Variants in UNC13C observed in about 807,000 individuals in gnomAD.
The protein encoded by UNC13C is protein unc-13 homolog C.
A neutral mutation model predicts 245.4 loss-of-function variants in UNC13C; 174 were observed. That is an observed-to-expected ratio of 0.71 (90% CI 0.63 to 0.80). The LOEUF (loss-of-function observed/expected upper bound fraction) is 0.80. UNC13C is among the 30% of genes least tolerant of loss of function. The pLI is 0.00. For missense variants in UNC13C, 2,829 were observed against 2,602.9 expected, an observed-to-expected ratio of 1.09 and a Z score of -1.89; for synonymous variants, 992 against 895.1, an observed-to-expected ratio of 1.11 and a Z score of -1.93.
the UNC13C span, among the ~76,000 whole-genome samples, chr15:53,864,025 G>A: frequency 2.0e-5 from 3 of 152,130 alleles, no homozygotes; most frequent in Non-Finnish European, 4.4e-5. Flanking sequence ...AGCTACCACA[G>A]TGGTAATGTC....
intron 2 of UNC13C, among the ~76,000 whole-genome samples, chr15:54,117,210 T>C (rs2030316159): frequency 6.6e-6 from 1 of 152,174 alleles, no homozygotes; most frequent in East Asian, 1.9e-4. Context: ...AAATATTTTC[T>C]TCCATTCCGT....
At chr15:54,441,820 A>G (rs1890542747) in intron 19 of UNC13C, among the ~76,000 whole-genome samples, 1 of 151,952 alleles carries the variant, frequency 6.6e-6, no homozygotes, top group Non-Finnish European at 1.5e-5. Context: ...CTAATCCATG[A>G]GCATAAGATA....
At chr15:54,374,585 A>T (rs2140888411) in intron 17 of UNC13C, among the ~76,000 whole-genome samples, 1 of 152,340 alleles carries the variant, frequency 6.6e-6, no homozygotes, top group Non-Finnish European at 1.5e-5. Flanking sequence ...AGGAGCAGGC[A>T]TTTCTGAGCC....
At chr15:54,335,471 G>A (rs991929704) in intron 16 of UNC13C, among the ~76,000 whole-genome samples, 2 of 152,048 alleles carry the variant, frequency 1.3e-5, no homozygotes, top group African/African-American at 2.4e-5. Context: ...TTTGACAAAT[G>A]TGTAGTCATA....
chr15:54,095,091 C>T (rs1048133112), intron 2 of UNC13C, among the ~76,000 whole-genome samples: 1 of 152,146 alleles, frequency 6.6e-6, no homozygotes, highest in Non-Finnish European at 1.5e-5. Context: ...CATCATTTGT[C>T]CAATGAACTC....
chr15:53,877,018 T>C, the UNC13C span, among the ~76,000 whole-genome samples: 1 of 152,208 alleles, frequency 6.6e-6, no homozygotes, highest in Non-Finnish European at 1.5e-5. Flanking sequence ...TTATTTTACA[T>C]TGGAATTTCA....
At chr15:54,282,026 C>G (rs1181615376) in intron 10 of UNC13C, among the ~76,000 whole-genome samples, 1 of 151,964 alleles carries the variant, frequency 6.6e-6, no homozygotes, top group African/African-American at 2.4e-5. Context: ...AATACTATTC[C>G]ATTGTATGGG....
intron 4 of UNC13C, among the ~76,000 whole-genome samples, chr15:54,194,484 G>A (rs2034288494): frequency 6.6e-6 from 1 of 152,128 alleles, no homozygotes; most frequent in Admixed American, 6.6e-5. Context: ...AAAAGACAGT[G>A]TTAAATGAAG....
intron 26 of UNC13C, among the ~76,000 whole-genome samples, chr15:54,542,955 T>A (rs1896313648): frequency 6.6e-6 from 1 of 152,172 alleles, no homozygotes; most frequent in Admixed American, 6.6e-5. Context: ...TTTATCCAGT[T>A]TACCAGTCTG....
chr15:54,261,852 A>G (rs1475299726), intron 8 of UNC13C, among the ~76,000 whole-genome samples: 1 of 152,244 alleles, frequency 6.6e-6, no homozygotes, highest in East Asian at 1.9e-4. Flanking sequence ...CATAAGTAGA[A>G]ATTTTTAAAA....
intron 7 of UNC13C, among the ~76,000 whole-genome samples, chr15:54,247,348 C>T (rs2036019468): frequency 6.6e-6 from 1 of 152,088 alleles, no homozygotes. Context: ...CTTATTTCAT[C>T]TTGCCTGATT....
At chr15:54,565,916 G>A (rs1009502624) in intron 29 of UNC13C, among the ~76,000 whole-genome samples, 1 of 151,876 alleles carries the variant, frequency 6.6e-6, no homozygotes, top group Non-Finnish European at 1.5e-5. Flanking sequence ...CATTTTATCA[G>A]TTTTGGTTTT....
At position 54,444,859 on chromosome 15, in the gene UNC13C, A is replaced by G. The variant is rs1021164319; in HGVS notation, c.4933+29792A>G. ...ACTTTAAGTTCTAGGGTACATATGT[A>G]CAACGTGCAGGTTTGTTACATATGT... On this transcript the variant is annotated intron_variant, in intron 19 of 32. Coordinates refer to ENST00000260323, the MANE Select transcript of UNC13C (RefSeq NM_001080534.3). Among the ~76,000 whole-genome samples the G allele has an allele frequency of 4.0e-5, 6 of 151,864 alleles. No individual in the cohort carries two copies. The South Asian group carries it at 1.2e-3, about 31-fold the overall frequency.
chr15:54,425,100 G>C (rs1213038432), intron 19 of UNC13C, among the ~76,000 whole-genome samples: 1 of 151,832 alleles, frequency 6.6e-6, no homozygotes, highest in Non-Finnish European at 1.5e-5. Flanking sequence ...GCATGTGAAA[G>C]AGTATGAGTG....
chr15:54,555,850 A>C (rs1897067581), intron 29 of UNC13C, among the ~76,000 whole-genome samples: 1 of 151,980 alleles, frequency 6.6e-6, no homozygotes, highest in South Asian at 2.1e-4. Context: ...TGTACCCTAA[A>C]ACCCAGATAA....
At chr15:53,844,488 T>C in the UNC13C span, among the ~76,000 whole-genome samples, 2 of 152,048 alleles carry the variant, frequency 1.3e-5, no homozygotes, top group Non-Finnish European at 2.9e-5. Flanking sequence ...GGAAGGTGGG[T>C]CAATGTGATA....
chr15:54,329,619 G>C (rs11638228), intron 14 of UNC13C, among the ~76,000 whole-genome samples: 2 of 151,848 alleles, frequency 1.3e-5, no homozygotes, highest in Non-Finnish European at 2.9e-5. Flanking sequence ...TCTCACTCTA[G>C]TTAAATAGAA....
At chr15:54,090,806 G>T (rs950180218) in intron 2 of UNC13C, among the ~76,000 whole-genome samples, 2 of 152,162 alleles carry the variant, frequency 1.3e-5, no homozygotes, top group African/African-American at 2.4e-5. Context: ...GGGCTAAGTT[G>T]CCTGAGACTT....
chr15:54,316,851 C>T (rs1034465018), intron 13 of UNC13C, among the ~76,000 whole-genome samples: 2 of 151,930 alleles, frequency 1.3e-5, no homozygotes, highest in East Asian at 3.9e-4. Flanking sequence ...CTATGGCCCA[C>T]CCAAACCTTT....
Sources: allele counts gnomAD v4.1 joint callset (sites outside exome capture counted in the v4.1 genomes callset), GRCh38; gene constraint gnomAD v4.1.1; transcripts MANE v1.5; gene names NCBI Gene and HGNC (gene_info 2026-07-23, HGNC 2026-07-21).